The following HIVEP3 variants were observed in gnomAD, a reference collection of about 807,000 sequenced individuals.
The protein encoded by HIVEP3 is HIVEP zinc finger 3, also known as transcription factor HIVEP3.
Under a neutral mutation model 152.8 loss-of-function variants are expected in HIVEP3, and 49 were observed. The ratio of observed to expected loss-of-function variants is 0.32; its 90% CI spans 0.26 to 0.41. HIVEP3 has a LOEUF of 0.41. Ranked by LOEUF, HIVEP3 falls within the 10% of genes least tolerant of loss-of-function variation. HIVEP3 has a pLI of 1.00. For missense variants in HIVEP3, 2,790 were observed against 3,103.3 expected, an observed-to-expected ratio of 0.90 and a Z score of 2.40; for synonymous variants, 1,269 against 1,289.0, an observed-to-expected ratio of 0.98 and a Z score of 0.33.
chr1:41,776,229 C>G (rs1246570612), intron 1 of HIVEP3, among the ~76,000 whole-genome samples: 1 of 152,240 alleles, frequency 6.6e-6, no homozygotes, highest in Non-Finnish European at 1.5e-5. Context: ...GAAACCTGTT[C>G]TTCTCATTGA....
chr1:41,644,693 C>CTTTTTTTTTTTTTT, intron 2 of HIVEP3, among the ~76,000 whole-genome samples: 1 of 74,738 alleles, frequency 1.3e-5, no homozygotes, highest in Non-Finnish European at 2.4e-5. Flanking sequence ...CATATCTGTT[C>CTTTTTTTTTTTTTT]TTTTTTTTTT....
chr1:41,636,026 C>T (rs1164804648), intron 2 of HIVEP3, among the ~76,000 whole-genome samples: 2 of 152,180 alleles, frequency 1.3e-5, no homozygotes, highest in African/African-American at 4.8e-5. Flanking sequence ...AACTGGCTGG[C>T]TGTTTATTCA....
chr1:41,891,316 T>G (rs754521779), intron 1 of HIVEP3, among the ~76,000 whole-genome samples: 5 of 152,212 alleles, frequency 3.3e-5, no homozygotes, highest in Non-Finnish European at 5.9e-5. Flanking sequence ...GGGTTGCACA[T>G]GTATTTCTAC....
At position 41,626,762 on chromosome 1, in the gene HIVEP3, A is replaced by G. The variant is rs578110253; in HGVS notation, c.-522+1987T>C. The stretch of plus-strand genomic sequence containing the variant: ...TGCCCCAGGATGCCGAGCCAGGGGC[A>G]TGCTGGGGCATTACAGCATGATCGA... On this transcript the variant is annotated intron_variant, in intron 3 of 8. Transcript: ENST00000372583. 1.2e-3 allele frequency among the ~76,000 whole-genome samples: 187 copies of G among 152,312 alleles called. 1 individual carries two copies. Among genetic ancestry groups the G allele is most frequent in the South Asian group, 3.1e-3 (15 of 4,826 alleles).
chr1:41,610,697 G>A (rs1329532585), intron 3 of HIVEP3, among the ~76,000 whole-genome samples: 2 of 152,222 alleles, frequency 1.3e-5, no homozygotes, highest in African/African-American at 4.8e-5. Flanking sequence ...GCTCCACCCA[G>A]GGAGCCCGGT....
At chr1:41,534,378 C>T in intron 5 of HIVEP3, among the ~76,000 whole-genome samples, 1 of 152,000 alleles carries the variant, frequency 6.6e-6, no homozygotes, top group South Asian at 2.1e-4. Flanking sequence ...TCCAGCCATG[C>T]CAAAGGTCAC....
chr1:41,954,964 G>GT (rs5773755), intron 1 of HIVEP3, among the ~76,000 whole-genome samples: 61,441 of 144,594 alleles, frequency 0.42, 14,435 homozygotes, highest in East Asian at 0.7. Context: ...CAGCTTCCAG[G>GT]TTTTTTTTTT....
rs138998113 is a variant in HIVEP3 at position 41,749,848 on chromosome 1, G to A, written c.-800-48853C>T. Reference sequence around the variant, plus strand: ...AGTGGTGTGGCCTTGGGGGTGAAATGTATGTGGGGGTCACCTCTGTCCAAC... The same window carrying A: ...AGTGGTGTGGCCTTGGGGGTGAAATATATGTGGGGGTCACCTCTGTCCAAC... On this transcript the variant is annotated intron_variant, in intron 1 of 8. Coordinates refer to ENST00000372583, the MANE Select transcript of HIVEP3 (RefSeq NM_024503.5). Among the ~76,000 whole-genome samples, 1,118 of 152,316 alleles carry A rather than the reference G, an allele frequency of 7.3e-3. 7 individuals are homozygous for A. The highest frequency in any genetic ancestry group is 0.024 in the African/African-American group (979 of 41,556).
intron 1 of HIVEP3, among the ~76,000 whole-genome samples, chr1:41,953,424 A>T (rs986333238): frequency 6.6e-6 from 1 of 152,178 alleles, no homozygotes; most frequent in African/African-American, 2.4e-5. Flanking sequence ...GAGTGTTTCT[A>T]TGAGGATTAA....
At chr1:41,842,663 C>T (rs1370053414) in intron 1 of HIVEP3, among the ~76,000 whole-genome samples, 6 of 152,184 alleles carry the variant, frequency 3.9e-5, no homozygotes. Flanking sequence ...TGAGTTCATT[C>T]TCCTTCCCAA....
intron 5 of HIVEP3, among the ~76,000 whole-genome samples, chr1:41,536,714 C>T (rs1249380788): frequency 6.6e-6 from 1 of 152,034 alleles, no homozygotes; most frequent in Non-Finnish European, 1.5e-5. Context: ...TAAAAAAAAA[C>T]TAAAAATATT....
At chr1:41,861,439 T>C (rs1209913540) in intron 1 of HIVEP3, among the ~76,000 whole-genome samples, 3 of 152,238 alleles carry the variant, frequency 2.0e-5, no homozygotes, top group Admixed American at 6.5e-5. Flanking sequence ...CAGGAGTGTG[T>C]TCTGCTAGAG....
chr1:41,583,049 G>A lies in HIVEP3; in HGVS notation c.1749C>T (p.His583=), dbSNP rs752169610. The part of the protein sequence containing the change: ...LSHSSHVFTS[H]PRMLKRQPAI... ...CCGGCTGGCGCTTCAGCATCCGGGG[G>A]TGGGAGGTAAACACGTGACTGCTGT... Residue 583 remains histidine, a synonymous_variant, in exon 4 of 9, where the codon CAC becomes CAT. Transcript: ENST00000372583. This position sits in a 1 kb window ranked among gnomAD's most constrained non-coding sequence, Gnocchi z 6.9. 3.1e-6 allele frequency: 5 copies of A among 1,613,802 alleles called. No individual in the cohort carries two copies. Among genetic ancestry groups the A allele is most frequent in the Non-Finnish European group, 1.7e-6 (2 of 1,179,914 alleles).
intron 2 of HIVEP3, among the ~76,000 whole-genome samples, chr1:41,649,350 C>CGG: frequency 6.6e-6 from 1 of 152,316 alleles, no homozygotes; most frequent in African/African-American, 2.4e-5. Context: ...TCTACAGCTG[C>CGG]GGGGCAGGGC....
intron 1 of HIVEP3, among the ~76,000 whole-genome samples, chr1:41,818,902 T>G (rs576558710): frequency 6.6e-6 from 1 of 152,260 alleles, no homozygotes; most frequent in East Asian, 1.9e-4. Context: ...GTTAAGTAAT[T>G]CTGGGGCAAC....
chr1:41,628,659 A>AT (rs1645150972), intron 3 of HIVEP3, 90 bp downstream of exon 3: 1 of 995,044 alleles, frequency 1.0e-6, no homozygotes, highest in Non-Finnish European at 1.3e-6. Flanking sequence ...ACAATAATAC[A>AT]TTTTTCAGAG....
intron 1 of HIVEP3, among the ~76,000 whole-genome samples, chr1:41,886,026 C>T (rs1361992743): frequency 2.6e-5 from 4 of 152,140 alleles, no homozygotes; most frequent in Non-Finnish European, 1.5e-5. Context: ...CCTTTCAAGG[C>T]CCTAGCAATA....
rs776222688 is a variant in HIVEP3, at chr1:41,582,846, C to T, written c.1952G>A (p.Arg651Gln). ...TTCGTAGTTATCCCTTTTCTTGTACCGAGCACCACATATGTTACATTCGTA... is the reference window on the plus strand; with the variant it reads ...TTCGTAGTTATCCCTTTTCTTGTACTGAGCACCACATATGTTACATTCGTA... ...VIYECNICGA[R>Q]YKKRDNYEAH... The change falls in exon 4 of 9, where the codon CGG (arginine) becomes CAG (glutamine). Residue 651 changes from arginine to glutamine, a missense_variant. Arg to Gln is a conservative substitution (Grantham distance 43). Coordinates refer to ENST00000372583, the MANE Select transcript of HIVEP3 (RefSeq NM_024503.5). The surrounding 1 kb of genome is among the most constrained non-coding windows in gnomAD (Gnocchi z 4.7). The T allele has an allele frequency of 1.9e-5, 31 of 1,613,986 alleles. No homozygotes were observed. The highest frequency in any genetic ancestry group is 2.4e-5 in the Non-Finnish European group (28 of 1,180,028).
rs1645739588 is a variant in HIVEP3, at chr1:41,662,884, C to T, written c.-720-33937G>A. 6.6e-6 allele frequency among the ~76,000 whole-genome samples: 1 copy of T among 152,176 alleles called. No homozygotes were observed. The highest frequency in any genetic ancestry group is 1.5e-5 in the Non-Finnish European group (1 of 68,002). The stretch of plus-strand genomic sequence containing the variant: ...CCAAAGTGTGCGCTCCCCGCCTTCC[C>T]CCTGGGTGCCAGCCGGGCTCCGGGA... On this transcript the variant is annotated intron_variant, in intron 2 of 8. Coordinates refer to ENST00000372583, the MANE Select transcript of HIVEP3 (RefSeq NM_024503.5). This position sits in a 1 kb window ranked among gnomAD's most constrained non-coding sequence, Gnocchi z 7.2.
Sources: allele counts gnomAD v4.1 joint callset (sites outside exome capture counted in the v4.1 genomes callset), GRCh38; gene constraint gnomAD v4.1.1; non-coding constraint Gnocchi (gnomAD v3.1); transcripts MANE v1.5; gene names NCBI Gene and HGNC (gene_info 2026-07-23, HGNC 2026-07-21).